GABBR1: variants seen among roughly 807,000 people sequenced by gnomAD.
The protein encoded by GABBR1 is GABA-B receptor, R1 subunit.
Under a neutral mutation model 117.7 loss-of-function variants are expected in GABBR1, and 35 were observed. The ratio of observed to expected loss-of-function variants is 0.30; its 90% CI spans 0.23 to 0.39. The LOEUF is 0.39. Among genes scored for constraint, GABBR1 ranks in the 10% least tolerant of loss-of-function variants. The pLI is 1.00. For missense variants in GABBR1, 709 were observed against 1,241.8 expected, an observed-to-expected ratio of 0.57 and a Z score of 6.45; for synonymous variants, 442 against 486.6, an observed-to-expected ratio of 0.91 and a Z score of 1.21.
At position 29,627,504 on chromosome 6, in the gene GABBR1, G is replaced by A; in HGVS notation, c.639C>T (p.Leu213=). The part of the protein sequence containing the change: ...RDILPDYELK[L]IHHDSKCDPG... Reference sequence around the variant, plus strand: ...GGGCTACCTTGCTGTCGTGGTGGATGAGCTTGAGCTCATAGTCCGGCAGGA... The same window carrying A: ...GGGCTACCTTGCTGTCGTGGTGGATAAGCTTGAGCTCATAGTCCGGCAGGA... Residue 213 remains leucine (L), a synonymous_variant, in exon 6 of 23, where the codon CTC becomes CTT. Transcript: ENST00000377034. This position sits in a 1 kb window ranked among gnomAD's most constrained non-coding sequence, Gnocchi z 4.4. The A allele has an allele frequency of 7.7e-7, 1 of 1,306,740 alleles. No homozygotes were observed. Among genetic ancestry groups the A allele is most frequent in the Non-Finnish European group, 1.0e-6 (1 of 965,840 alleles). 80.9% of individuals were successfully genotyped at this position (1,306,740 alleles called of 1,614,324 possible). A position where few individuals can be genotyped will look rare whatever the true frequency, so the allele number is the denominator to read the frequency against.
rs750394795 is a variant in GABBR1, at chr6:29,627,603, C to T, written c.540G>A (p.Gly180=). The part of the protein sequence containing the change: ...VYIGALFPMS[G]GWPGGQACQP... ...GGCAGGCCTGGCCCCCTGGCCAGCCCCCGCTCATGGGAAACAGTGCCCCGA... is the reference window on the plus strand; with the variant it reads ...GGCAGGCCTGGCCCCCTGGCCAGCCTCCGCTCATGGGAAACAGTGCCCCGA... Residue 180 remains glycine (G), a synonymous_variant, in exon 6 of 23, where the codon GGG becomes GGA. Transcript: ENST00000377034. The surrounding 1 kb of genome is among the most constrained non-coding windows in gnomAD (Gnocchi z 4.4). 1.9e-6 allele frequency: 3 copies of T among 1,570,816 alleles called. No homozygotes were observed. The East Asian group carries it at 7.1e-5, about 37-fold the overall frequency.
intron 12 of GABBR1, 56 bp from the exon 13 acceptor site, chr6:29,612,670 GAAC>G (rs1429440429): frequency 2.3e-5 from 31 of 1,377,780 alleles, no homozygotes; most frequent in Non-Finnish European, 3.2e-5. Context: ...GAGTGAAAGA[GAAC>G]ATCAGGGACT....
At position 29,606,382 on chromosome 6, in the gene GABBR1, C is replaced by T. The variant is rs763278010; in HGVS notation, c.2311+9G>A. 2 of 1,606,690 alleles carry T rather than the reference C, an allele frequency of 1.2e-6. No individual in the cohort carries two copies. Among genetic ancestry groups the T allele is most frequent in the Non-Finnish European group, 1.7e-6 (2 of 1,174,084 alleles). On this transcript the variant is annotated intron_variant, in intron 19 of 22. Transcript: ENST00000377034. The surrounding 1 kb of genome is among the most constrained non-coding windows in gnomAD (Gnocchi z 4.5). ...CATCCCTGCCCTCCTTTGCCCACAT[C>T]CCACACACCAAGCCATGTATTCATC...
rs1764994027 is a variant in GABBR1 at position 29,631,700 on chromosome 6, G to C, written c.86-101C>G. On this transcript the variant is annotated intron_variant, in intron 2 of 22. Transcript: ENST00000377034. The surrounding 1 kb of genome is among the most constrained non-coding windows in gnomAD (Gnocchi z 5.9). ...AGGGGAGAGTAGGGCGTGGTCTGTG[G>C]GCAGGCTGGGGACAGAGGAAGAGGG... 1 of 983,388 alleles carries C rather than the reference G, an allele frequency of 1.0e-6. No individual in the cohort carries two copies. The highest frequency in any genetic ancestry group is 1.6e-5 in the African/African-American group (1 of 62,958). 60.9% of individuals were successfully genotyped at this position (983,388 alleles called of 1,614,324 possible). A position where few individuals can be genotyped will look rare whatever the true frequency, so the allele number is the denominator to read the frequency against.
At position 29,607,387 on chromosome 6, in the gene GABBR1, A is replaced by C. The variant is rs1002928624; in HGVS notation, c.1993-169T>G. Among the ~76,000 whole-genome samples, 2 of 152,114 alleles carry C rather than the reference A, an allele frequency of 1.3e-5. No individual in the cohort carries two copies. Among genetic ancestry groups the C allele is most frequent in the Non-Finnish European group, 2.9e-5 (2 of 68,016 alleles). ...GCAGGACGGGGAGCGGCAGGAGGAG[A>C]GCAGTCTCCCCACCTTGAACAATTC... is the stretch of plus-strand genomic sequence containing the variant. On this transcript the variant is annotated intron_variant, in intron 16 of 22. Coordinates refer to ENST00000377034, the MANE Select transcript of GABBR1 (RefSeq NM_001470.4). This position sits in a 1 kb window ranked among gnomAD's most constrained non-coding sequence, Gnocchi z 5.0.
intron 11 of GABBR1, among the ~76,000 whole-genome samples, chr6:29,617,862 T>C (rs1213485067): frequency 1.3e-5 from 2 of 152,248 alleles, no homozygotes; most frequent in Non-Finnish European, 2.9e-5. Context: ...CTAACATGTA[T>C]ACAGTCCTTA....
Position 29,602,718 on chromosome 6 carries a change from G to A in GABBR1, c.*825C>T, listed in dbSNP as rs767437230. The A allele has an allele frequency of 8.9e-6, 3 of 336,622 alleles. No homozygotes were observed. Among genetic ancestry groups the A allele is most frequent in the Non-Finnish European group, 1.7e-5 (3 of 173,240 alleles). The allele number at this position is 336,622 out of a possible 1,614,324, so 20.9% of individuals were successfully genotyped here. On this transcript the variant is annotated 3_prime_UTR_variant, in exon 23 of 23. Coordinates refer to ENST00000377034, the MANE Select transcript of GABBR1 (RefSeq NM_001470.4). ...GGAGGGTACACAGGGAAAGTACATG[G>A]ATAAACATGGACGTGTGCAAATAGG...
rs1004482656 is a variant in GABBR1 at position 29,607,272 on chromosome 6, G to A, written c.1993-54C>T. Reference sequence around the variant, plus strand: ...ACAGGGTAGAGTAGTAGCCGGGACTGCAGTAAGGATGGGCAGAACCCTAAG... The same window carrying A: ...ACAGGGTAGAGTAGTAGCCGGGACTACAGTAAGGATGGGCAGAACCCTAAG... On this transcript the variant is annotated intron_variant, in intron 16 of 22. Coordinates refer to ENST00000377034, the MANE Select transcript of GABBR1 (RefSeq NM_001470.4). The surrounding 1 kb of genome is among the most constrained non-coding windows in gnomAD (Gnocchi z 5.0). 33 of 1,419,012 alleles carry A rather than the reference G, an allele frequency of 2.3e-5. No individual in the cohort carries two copies. The highest frequency in any genetic ancestry group is 2.0e-4 in the Middle Eastern group (1 of 4,980). 87.9% of individuals were successfully genotyped at this position (1,419,012 alleles called of 1,614,324 possible).
In GABBR1 at chr6:29,632,664, C is replaced by A; in HGVS notation, c.-1+186G>T. Reference sequence around the variant, plus strand: ...CTCCTCTCCCCCGGCCCCCGCGGCTCGCAGAAGCCTGGCTTACCCACGCTC... The same window carrying A: ...CTCCTCTCCCCCGGCCCCCGCGGCTAGCAGAAGCCTGGCTTACCCACGCTC... On this transcript the variant is annotated intron_variant, in intron 1 of 22. Coordinates refer to ENST00000377034, the MANE Select transcript of GABBR1 (RefSeq NM_001470.4). The surrounding 1 kb of genome is among the most constrained non-coding windows in gnomAD (Gnocchi z 5.8). 1.4e-6 allele frequency: 2 copies of A among 1,452,272 alleles called. No homozygotes were observed. The highest frequency in any genetic ancestry group is 9.1e-7 in the Non-Finnish European group (1 of 1,101,166). 90.0% of individuals were successfully genotyped at this position (1,452,272 alleles called of 1,614,324 possible).
Position 29,627,462 on chromosome 6 carries a change from A to G in GABBR1, c.657+24T>C. 9.9e-6 allele frequency: 4 copies of G among 403,300 alleles called. No individual in the cohort carries two copies. Among genetic ancestry groups the G allele is most frequent in the Non-Finnish European group, 1.6e-5 (4 of 250,186 alleles). The allele number at this position is 403,300 out of a possible 1,614,324, so 25.0% of individuals were successfully genotyped here. On this transcript the variant is annotated intron_variant, in intron 6 of 22. Transcript: ENST00000377034. This position sits in a 1 kb window ranked among gnomAD's most constrained non-coding sequence, Gnocchi z 4.4. ...CCTGCCCCGCAAGCCCCCACCTCCC[A>G]CCCACCCCCATGTCCAGGGCTACCT...
Position 29,603,399 on chromosome 6 carries a change from A to G in GABBR1, c.*144T>C, listed in dbSNP as rs1761585670. 6.5e-6 allele frequency: 5 copies of G among 770,578 alleles called. No homozygotes were observed. Among genetic ancestry groups the G allele is most frequent in the Non-Finnish European group, 1.1e-5 (5 of 435,996 alleles). The allele number at this position is 770,578 out of a possible 1,614,324, so 47.7% of individuals were successfully genotyped here. A position where few individuals can be genotyped will look rare whatever the true frequency, so the allele number is the denominator to read the frequency against. ...AGAGACCCAAATCAGCCCAGAACTC[A>G]CAGGGGGACATGTATTTACAAGAGA... On this transcript the variant is annotated 3_prime_UTR_variant, in exon 23 of 23. Transcript: ENST00000377034.
At chr6:29,617,612 T>G (rs1471757232) in intron 11 of GABBR1, among the ~76,000 whole-genome samples, 1 of 152,188 alleles carries the variant, frequency 6.6e-6, no homozygotes, top group Non-Finnish European at 1.5e-5. Flanking sequence ...AAGTCCATAT[T>G]TCTAACTGAC....
intron 14 of GABBR1, among the ~76,000 whole-genome samples, chr6:29,610,298 T>C (rs530503149): frequency 1.3e-5 from 2 of 152,256 alleles, no homozygotes; most frequent in Admixed American, 1.3e-4. Context: ...CTTTAAAAAG[T>C]ATATTTTGAG....
In GABBR1 at chr6:29,606,643, G is replaced by A. The variant is rs1451672428; in HGVS notation, c.2218-159C>T. 1.5e-6 allele frequency: 1 copy of A among 658,848 alleles called. No individual in the cohort carries two copies. Among genetic ancestry groups the A allele is most frequent in the Non-Finnish European group, 2.7e-6 (1 of 371,976 alleles). The allele number at this position is 658,848 out of a possible 1,614,324, so 40.8% of individuals were successfully genotyped here. A position where few individuals can be genotyped will look rare whatever the true frequency, so the allele number is the denominator to read the frequency against. On this transcript the variant is annotated intron_variant, in intron 18 of 22. Transcript: ENST00000377034. The surrounding 1 kb of genome is among the most constrained non-coding windows in gnomAD (Gnocchi z 4.5). ...AAGAATGTTTTCCTGAACCCTTGGAGGTGCTTGTTCCCCACTTTCCCTGAT... is the reference window on the plus strand; with the variant it reads ...AAGAATGTTTTCCTGAACCCTTGGAAGTGCTTGTTCCCCACTTTCCCTGAT...
chr6:29,626,388 A>G (rs192814966), intron 6 of GABBR1, among the ~76,000 whole-genome samples: 46 of 152,142 alleles, frequency 3.0e-4, no homozygotes, highest in African/African-American at 9.2e-4. Flanking sequence ...ACCCTAACCC[A>G]ATTCCTTAAG....
rs762875606 is a variant in GABBR1 at position 29,603,317 on chromosome 6, T to G, written c.*226A>C. On this transcript the variant is annotated 3_prime_UTR_variant, in exon 23 of 23. Coordinates refer to ENST00000377034, the MANE Select transcript of GABBR1 (RefSeq NM_001470.4). The stretch of plus-strand genomic sequence containing the variant: ...AGGTACGAACTAAATTGTGAAGAGG[T>G]GATACAAAATTACATGAAGCAGTAA... 5 of 697,272 alleles carry G rather than the reference T, an allele frequency of 7.2e-6. No individual in the cohort carries two copies. In the South Asian group the frequency reaches 7.5e-5, roughly 10 times the overall value. 43.2% of individuals were successfully genotyped at this position (697,272 alleles called of 1,614,324 possible).
chr6:29,628,969 T>TG, intron 5 of GABBR1, 118 bp downstream of exon 5: 1 of 1,164,840 alleles, frequency 8.6e-7, no homozygotes, highest in Non-Finnish European at 1.3e-6. Flanking sequence ...TGGGGTGGGT[T>TG]GGGGAAGGTG....
Position 29,613,592 on chromosome 6 carries a change from T to C in GABBR1, c.1324-107A>G, listed in dbSNP as rs544578031. ...CACTTCTACTTGAATGGATGGTTTG[T>C]GTTACTGTTGTCAGATTGGACACAT... is the stretch of plus-strand genomic sequence containing the variant. On this transcript the variant is annotated intron_variant, in intron 11 of 22. Transcript: ENST00000377034. This position sits in a 1 kb window ranked among gnomAD's most constrained non-coding sequence, Gnocchi z 4.1. The C allele has an allele frequency of 1.1e-5, 15 of 1,361,892 alleles. No individual in the cohort carries two copies. In the African/African-American group the frequency reaches 1.3e-4, roughly 12 times the overall value. The allele number at this position is 1,361,892 out of a possible 1,614,324, so 84.4% of individuals were successfully genotyped here.
At chr6:29,626,503 T>TG (rs2127441901) in intron 6 of GABBR1, among the ~76,000 whole-genome samples, 1 of 151,708 alleles carries the variant, frequency 6.6e-6, no homozygotes, top group Non-Finnish European at 1.5e-5. Context: ...GGGAGAGGGG[T>TG]GGGAAAAAAA....
Sources: allele counts gnomAD v4.1 joint callset (sites outside exome capture counted in the v4.1 genomes callset), GRCh38; gene constraint gnomAD v4.1.1; non-coding constraint Gnocchi (gnomAD v3.1); transcripts MANE v1.5; gene names NCBI Gene and HGNC (gene_info 2026-07-23, HGNC 2026-07-21).